MCCC1: variants seen among roughly 807,000 people sequenced by gnomAD.
The protein encoded by MCCC1 is methylcrotonoyl-CoA carboxylase subunit alpha, mitochondrial.
In MCCC1, 64 loss-of-function variants were observed where a neutral mutation model predicts 83.8. That is an observed-to-expected ratio of 0.76 (90% confidence interval 0.62 to 0.94). MCCC1 has a LOEUF of 0.94. MCCC1 is among the 40% of genes least tolerant of loss of function. The pLI is 0.00. For synonymous variants in MCCC1, 322 were observed against 315.4 expected (o/e 1.02, Z -0.22); for missense variants, 807 against 904.7 (o/e 0.89, Z 1.39).
rs981996140 is a variant in MCCC1, at chr3:183,064,172, G to A, written c.762-6750C>T. On this transcript the variant is annotated intron_variant, in intron 7 of 18. Coordinates refer to ENST00000265594, the MANE Select transcript of MCCC1 (RefSeq NM_020166.5). This position sits in a 1 kb window ranked among gnomAD's most constrained non-coding sequence, Gnocchi z 4.5. The stretch of plus-strand genomic sequence containing the variant: ...CTTGCACTCTTTGCTGACGGCGGTC[G>A]GTGATAGGATTAGGCATGTACAGGA... Among the ~76,000 whole-genome samples, 2 of 151,738 alleles carry A rather than the reference G, an allele frequency of 1.3e-5. No homozygotes were observed. The highest frequency in any genetic ancestry group is 2.9e-5 in the Non-Finnish European group (2 of 67,810).
intron 4 of MCCC1, among the ~76,000 whole-genome samples, chr3:183,075,476 C>CT (rs1560262208): frequency 6.6e-6 from 1 of 151,678 alleles, no homozygotes; most frequent in African/African-American, 2.4e-5. Flanking sequence ...TGATATTGAG[C>CT]TTTTTTTCAT....
In MCCC1 at chr3:183,015,221, G is replaced by A. The variant is rs1328066605; in HGVS notation, c.*217C>T. ...AAATTTGAGGCAGAAACAAACATTG[G>A]CTTCCAATAAAAAATAATTCAACTT... On this transcript the variant is annotated 3_prime_UTR_variant, in exon 19 of 19. Transcript: ENST00000265594. 3.4e-6 allele frequency: 2 copies of A among 581,156 alleles called. No individual in the cohort carries two copies. Among genetic ancestry groups the A allele is most frequent in the Non-Finnish European group, 6.1e-6 (2 of 328,406 alleles). The allele number at this position is 581,156 out of a possible 1,614,324, so 36.0% of individuals were successfully genotyped here. A position where few individuals can be genotyped will look rare whatever the true frequency, so the allele number is the denominator to read the frequency against.
At chr3:183,099,542 G>A (rs543130921), upstream of MCCC1, 3 of 1,371,502 alleles carry the variant, frequency 2.2e-6, no homozygotes, top group East Asian at 7.5e-5. Context: ...ACCCCCGCCG[G>A]CCACCGTCGG....
At chr3:183,036,864 G>A (rs1171416112) in intron 13 of MCCC1, among the ~76,000 whole-genome samples, 5 of 148,096 alleles carry the variant, frequency 3.4e-5, no homozygotes, top group South Asian at 2.2e-4. Context: ...TAGTAGAGAT[G>A]GGGTTTCACC....
chr3:183,022,071 G>A (rs1712200574), intron 16 of MCCC1, among the ~76,000 whole-genome samples: 1 of 152,162 alleles, frequency 6.6e-6, no homozygotes, highest in African/African-American at 2.4e-5. Flanking sequence ...CAGGGGGATG[G>A]TGGGTGGGGA....
At chr3:183,026,581 G>A (rs943804073) in intron 14 of MCCC1, among the ~76,000 whole-genome samples, 12 of 151,972 alleles carry the variant, frequency 7.9e-5, no homozygotes, top group East Asian at 1.9e-4. Flanking sequence ...ATGGCGGCAC[G>A]TGCCTGTAAT....
At chr3:183,102,938 T>C (rs1027751240), upstream of MCCC1, among the ~76,000 whole-genome samples, 3 of 151,770 alleles carry the variant, frequency 2.0e-5, no homozygotes, top group Non-Finnish European at 2.9e-5. Flanking sequence ...AGGCATCCAC[T>C]ACTGCACCTA....
rs189706367 is a variant in MCCC1 at position 183,110,616 on chromosome 3, G to A, written c.-102+4858C>T. On this transcript the variant is annotated intron_variant, in intron 1 of 17. Transcript: ENST00000492597. ...TCACTGTGTTAGTCAGAATGGTCTC[G>A]ATCTCCTGACCCCATGATCCGCCCA... Among the ~76,000 whole-genome samples, 350 of 151,992 alleles carry A rather than the reference G, an allele frequency of 2.3e-3. 1 individual carries two copies. The highest frequency in any genetic ancestry group is 7.9e-3 in the African/African-American group (326 of 41,462).
intron 4 of MCCC1, among the ~76,000 whole-genome samples, chr3:183,080,894 A>G (rs1342836229): frequency 6.6e-6 from 1 of 152,204 alleles, no homozygotes; most frequent in South Asian, 2.1e-4. Flanking sequence ...ATCAGACCTC[A>G]TGAGACTCAT....
chr3:183,027,329 A>C (rs1240855855), intron 14 of MCCC1, among the ~76,000 whole-genome samples: 1 of 152,210 alleles, frequency 6.6e-6, no homozygotes, highest in Non-Finnish European at 1.5e-5. Flanking sequence ...AAGTGGTCAA[A>C]TGAAGAGTTA....
chr3:183,099,488 G>A lies in MCCC1; in HGVS notation c.-48C>T. 1 of 1,563,744 alleles carries A rather than the reference G, an allele frequency of 6.4e-7. No homozygotes were observed. Among genetic ancestry groups the A allele is most frequent in the Non-Finnish European group, 8.7e-7 (1 of 1,154,758 alleles). The stretch of plus-strand genomic sequence containing the variant: ...GTGACTCCCCAGTACAGAGGCAGCT[G>A]CGTCCCACACGCCAAACCCGTTCCT... On this transcript the variant is annotated 5_prime_UTR_variant, in exon 1 of 19. Coordinates refer to ENST00000265594, the MANE Select transcript of MCCC1 (RefSeq NM_020166.5).
chr3:183,099,465 G>T lies in MCCC1; in HGVS notation c.-25C>A, dbSNP rs149741951. 9.6e-4 allele frequency: 1,531 copies of T among 1,591,912 alleles called. 8 individuals are homozygous for T. In the African/African-American group the frequency reaches 0.015, roughly 15 times the overall value. ...TGTCCCTGGAGCCCGGCCACTCCGT[G>T]ACTCCCCAGTACAGAGGCAGCTGCG... On this transcript the variant is annotated 5_prime_UTR_variant, in exon 1 of 19. Transcript: ENST00000265594.
At chr3:183,023,663 C>T (rs919264386) in intron 15 of MCCC1, among the ~76,000 whole-genome samples, 1 of 152,178 alleles carries the variant, frequency 6.6e-6, no homozygotes, top group Non-Finnish European at 1.5e-5. Flanking sequence ...CAATGTGTCT[C>T]AAAGTGTTGG....
chr3:183,109,793 A>G (rs574438257), intron 1 of MCCC1, among the ~76,000 whole-genome samples: 5 of 152,332 alleles, frequency 3.3e-5, no homozygotes, highest in African/African-American at 1.2e-4. Flanking sequence ...GCTGGGTCAT[A>G]TGGTAGTTCT....
In MCCC1 at chr3:183,071,447, C is replaced by T. The variant is rs545446851; in HGVS notation, c.492-90G>A. 18 of 1,564,160 alleles carry T rather than the reference C, an allele frequency of 1.2e-5. 1 individual carries two copies. The South Asian group carries it at 1.9e-4, about 16-fold the overall frequency. On this transcript the variant is annotated intron_variant, in intron 5 of 18. Transcript: ENST00000265594. ...TAAATATAGCCCAGTCTATAAATTA[C>T]AATGGAACTCTTTAAAGAAAACATC...
At chr3:183,053,071 T>C (rs575259444) in intron 8 of MCCC1, among the ~76,000 whole-genome samples, 9 of 152,290 alleles carry the variant, frequency 5.9e-5, no homozygotes, top group African/African-American at 2.2e-4. Flanking sequence ...AAAACTTTTA[T>C]TGGGACAAGA....
At chr3:183,074,354 G>A (rs1194954701) in intron 4 of MCCC1, among the ~76,000 whole-genome samples, 2 of 152,266 alleles carry the variant, frequency 1.3e-5, no homozygotes, top group East Asian at 3.9e-4. Context: ...CAGCAAAAAG[G>A]GAAGAAACAG....
chr3:183,028,308 ATAT>A (rs1270500000), intron 14 of MCCC1, among the ~76,000 whole-genome samples: 1 of 152,190 alleles, frequency 6.6e-6, no homozygotes, highest in Non-Finnish European at 1.5e-5. Flanking sequence ...TCCTTTCAAA[ATAT>A]TATCACTCAA....
At chr3:183,022,757 T>C (rs1712261172) in intron 15 of MCCC1, 1 of 521,638 alleles carries the variant, frequency 1.9e-6, no homozygotes, top group Admixed American at 3.7e-5. Flanking sequence ...AGGAAGATAA[T>C]TAAAAGGGAA....
Sources: gnomAD v4.1 joint callset for allele counts (sites outside exome capture counted in the v4.1 genomes callset) on GRCh38, gnomAD v4.1.1 for gene constraint, Gnocchi (gnomAD v3.1) non-coding constraint, MANE v1.5 for transcripts, NCBI Gene and HGNC (gene_info 2026-07-23, HGNC 2026-07-21) for gene names.